Variants in WRN observed in about 807,000 individuals in gnomAD.
The protein encoded by WRN is WRN RecQ like helicase.
A neutral mutation model predicts 180.7 loss-of-function variants in WRN; 149 were observed. The observed-to-expected ratio is 0.82, with a 90% CI of 0.72 to 0.94. The LOEUF (loss-of-function observed/expected upper bound fraction) is 0.94, where lower values mean the gene tolerates loss of function less well. Ranked by LOEUF, WRN falls within the 40% of genes least tolerant of loss-of-function variation. WRN has a pLI of 0.00. For synonymous variants in WRN, 548 were observed against 568.9 expected, an observed-to-expected ratio of 0.96 and a Z score of 0.52; for missense variants, 1,661 against 1,700.1, an observed-to-expected ratio of 0.98 and a Z score of 0.40.
chr8:31,099,640 AT>A (rs1008270003), intron 17 of WRN, among the ~76,000 whole-genome samples: 14 of 150,702 alleles, frequency 9.3e-5, no homozygotes, highest in African/African-American at 3.4e-4. Context: ...GTGAATTGTA[AT>A]TGTTTATTTG....
Position 31,143,587 on chromosome 8 carries a change from A to G in WRN, c.3347A>G (p.Asp1116Gly). Reference sequence around the variant, plus strand: ...AAGTTATATTCTTATAAACCATGTGATAAGATTTCTTCTGGGAGTAACATT... The same window carrying G: ...AAGTTATATTCTTATAAACCATGTGGTAAGATTTCTTCTGGGAGTAACATT... ...LEKLYSYKPC[D>G]KISSGSNISK... Residue 1116 changes from aspartate (D) to glycine (G), a missense_variant, in exon 28 of 35, where the codon GAT (aspartate) becomes GGT (glycine). Coordinates refer to ENST00000298139, the MANE Select transcript of WRN (RefSeq NM_000553.6). The G allele has an allele frequency of 2.5e-6, 4 of 1,590,452 alleles. No individual in the cohort carries two copies. Among genetic ancestry groups the G allele is most frequent in the Non-Finnish European group, 3.4e-6 (4 of 1,159,518 alleles).
At chr8:31,088,062 C>T (rs1464199915) in intron 12 of WRN, 142 bp downstream of exon 12, 11 of 1,441,178 alleles carry the variant, frequency 7.6e-6, no homozygotes, top group Non-Finnish European at 9.3e-6. Flanking sequence ...CTTTTGTCTC[C>T]TTAGTGCTTT....
chr8:31,058,360 A>G lies in WRN; in HGVS notation c.-76-12A>G. 9.2e-7 allele frequency: 1 copy of G among 1,092,288 alleles called. No individual in the cohort carries two copies. The highest frequency in any genetic ancestry group is 1.6e-5 in the African/African-American group (1 of 64,284). The allele number at this position is 1,092,288 out of a possible 1,614,324, so 67.7% of individuals were successfully genotyped here. The stretch of plus-strand genomic sequence containing the variant: ...TTTGGTTTTCATTCATATTGACAGT[A>G]CTACCTCTCAGTTTTCTTTCAGATA... On this transcript the variant is annotated splice_polypyrimidine_tract_variant and intron_variant, in intron 1 of 34. Transcript: ENST00000298139.
At position 31,059,838 on chromosome 8, in the gene WRN, C is replaced by A. The variant is rs139876930; in HGVS notation, c.209+573C>A. On this transcript the variant is annotated intron_variant, in intron 3 of 34. Transcript: ENST00000298139. ...TTGTGAGGCCGAGGCAGGTGGATCA[C>A]AAGGTCAGGAGATTGAGACCATCCC... Among the ~76,000 whole-genome samples, 848 of 152,188 alleles carry A rather than the reference C, an allele frequency of 5.6e-3. 2 individuals are homozygous for A. Among genetic ancestry groups the A allele is most frequent in the South Asian group, 0.017 (83 of 4,822 alleles).
rs370664707 is a variant in WRN, at chr8:31,090,522, C to T, written c.1710C>T (p.Val570=). ...VLEERRDNVA[V]MATGYGKSLC... ...AAGAAAGAAGAGATAATGTTGCTGTCATGGCAACTGGTAAGTTGTACTTAA... is the reference window on the plus strand; with the variant it reads ...AAGAAAGAAGAGATAATGTTGCTGTTATGGCAACTGGTAAGTTGTACTTAA... Residue 570 remains valine (V), a synonymous_variant, in exon 14 of 35, where the codon GTC becomes GTT. Coordinates refer to ENST00000298139, the MANE Select transcript of WRN (RefSeq NM_000553.6). The T allele has an allele frequency of 3.1e-6, 5 of 1,611,874 alleles. No individual in the cohort carries two copies. In the South Asian group the frequency reaches 4.4e-5, roughly 14 times the overall value.
At chr8:31,140,743 G>A (rs746501469) in intron 24 of WRN, among the ~76,000 whole-genome samples, 5 of 151,860 alleles carry the variant, frequency 3.3e-5, no homozygotes, top group African/African-American at 9.7e-5. Flanking sequence ...TTCGCATTGC[G>A]TTTTTTTGTT....
intron 18 of WRN, among the ~76,000 whole-genome samples, chr8:31,106,891 GTGAA>G (rs1329164955): frequency 1.3e-5 from 2 of 152,218 alleles, no homozygotes; most frequent in East Asian, 3.9e-4. Context: ...TTATAATGGG[GTGAA>G]TGAATGAATG....
In WRN at chr8:31,087,485, A is replaced by G. The variant is rs554827504; in HGVS notation, c.1432-291A>G. Among the ~76,000 whole-genome samples, 21 of 152,358 alleles carry G rather than the reference A, an allele frequency of 1.4e-4. No homozygotes were observed. The Middle Eastern group carries it at 0.017, about 123-fold the overall frequency. ...GGTGCAATAAAGAATAAAATGTTTT[A>G]AATTATCCAAATTTAAAATTTATGA... is the stretch of plus-strand genomic sequence containing the variant. On this transcript the variant is annotated intron_variant, in intron 11 of 34. Transcript: ENST00000298139.
chr8:31,067,270 C>G, intron 6 of WRN, 88 bp downstream of exon 6: 1 of 1,428,576 alleles, frequency 7.0e-7, no homozygotes, highest in Middle Eastern at 2.0e-4. Context: ...ATAGTAGTGG[C>G]AGAAACTCTA....
intron 7 of WRN, among the ~76,000 whole-genome samples, chr8:31,072,866 A>G (rs1191480185): frequency 6.6e-6 from 1 of 152,112 alleles, no homozygotes; most frequent in Non-Finnish European, 1.5e-5. Flanking sequence ...TGGTTATCTG[A>G]AGGAAGAGCT....
At chr8:31,075,667 C>T (rs746601435) in intron 7 of WRN, among the ~76,000 whole-genome samples, 2 of 151,448 alleles carry the variant, frequency 1.3e-5, no homozygotes, top group Non-Finnish European at 2.9e-5. Flanking sequence ...TTGCAGTGAG[C>T]CGAGATTGCG....
chr8:31,104,706 T>C (rs899954097), intron 18 of WRN, among the ~76,000 whole-genome samples: 2 of 152,220 alleles, frequency 1.3e-5, no homozygotes, highest in Admixed American at 6.5e-5. Flanking sequence ...CAAGGTTCAT[T>C]GTTTTCCCAA....
chr8:31,119,925 T>G (rs1400628568), intron 20 of WRN: 2 of 312,378 alleles, frequency 6.4e-6, no homozygotes, highest in Non-Finnish European at 1.2e-5. Flanking sequence ...CGCTTGAAAC[T>G]TCATTATAAT....
chr8:31,104,831 T>C (rs75366095), intron 18 of WRN, among the ~76,000 whole-genome samples: 6,793 of 152,268 alleles, frequency 0.045, 210 homozygotes, highest in Middle Eastern at 0.12. Flanking sequence ...ATTTCTGGGT[T>C]CTCTAGCCTG....
intron 1 of WRN, among the ~76,000 whole-genome samples, chr8:31,044,332 G>T (rs1245058342): frequency 3.8e-5 from 5 of 129,978 alleles, no homozygotes; most frequent in African/African-American, 1.4e-4. Context: ...TGAGCCGCTT[G>T]CCCGACCTTC....
At chr8:31,046,727 A>T (rs1226091546) in intron 1 of WRN, among the ~76,000 whole-genome samples, 1 of 152,230 alleles carries the variant, frequency 6.6e-6, no homozygotes, top group Non-Finnish European at 1.5e-5. Flanking sequence ...TCAGAAAAAA[A>T]TATCAAAGCT....
At position 31,173,805 on chromosome 8, in the gene WRN, C is replaced by T. The variant is rs1423487673; in HGVS notation, c.*703C>T. On this transcript the variant is annotated 3_prime_UTR_variant, in exon 35 of 35. Coordinates refer to ENST00000298139, the MANE Select transcript of WRN (RefSeq NM_000553.6). ...TTCATTTACTTAATTATTTTAAGTA[C>T]CTTTATTTTTCCAGGATGTCAGAAT... is the stretch of plus-strand genomic sequence containing the variant. 1.3e-5 allele frequency: 2 copies of T among 152,008 alleles called. No individual in the cohort carries two copies. Among genetic ancestry groups the T allele is most frequent in the Non-Finnish European group, 2.9e-5 (2 of 68,158 alleles). 9.4% of individuals were successfully genotyped at this position (152,008 alleles called of 1,614,324 possible). A position where few individuals can be genotyped will look rare whatever the true frequency, so the allele number is the denominator to read the frequency against.
intron 18 of WRN, among the ~76,000 whole-genome samples, chr8:31,106,315 A>G (rs1292749501): frequency 1.3e-5 from 2 of 151,866 alleles, no homozygotes; most frequent in Admixed American, 1.3e-4. Flanking sequence ...GTCCAGAGTG[A>G]TACTTTAAAA....
intron 1 of WRN, among the ~76,000 whole-genome samples, chr8:31,036,160 C>T (rs1476598284): frequency 6.6e-6 from 1 of 152,198 alleles, no homozygotes; most frequent in South Asian, 2.1e-4. Context: ...AGAATGTCTT[C>T]CAGTTCCATT....
Sources: gnomAD v4.1 joint callset for allele counts (sites outside exome capture counted in the v4.1 genomes callset) on GRCh38, gnomAD v4.1.1 for gene constraint, MANE v1.5 for transcripts, NCBI Gene and HGNC (gene_info 2026-07-23, HGNC 2026-07-21) for gene names.